Variants in TMEM181 observed in about 807,000 individuals in gnomAD.
TMEM181 encodes the protein G protein-coupled receptor 178.
Under a neutral mutation model 71.9 loss-of-function variants are expected in TMEM181, and 39 were observed. The ratio of observed to expected loss-of-function variants is 0.54; its 90% confidence interval spans 0.42 to 0.71. The LOEUF is 0.71. Among genes scored for constraint, TMEM181 ranks in the 30% least tolerant of loss-of-function variants. The probability of loss-of-function intolerance (pLI) is 0.00; values close to 1 mark genes in which losing one functional copy is unlikely to be tolerated. For missense variants in TMEM181, 595 were observed against 583.0 expected (o/e 1.02, Z -0.21); for synonymous variants, 245 against 228.8 (o/e 1.07, Z -0.64).
In TMEM181 at chr6:158,633,740, T is replaced by TG. The variant is rs1395708043; in HGVS notation, c.*1853dup. ...GTTTTAAAAACCTTGTAAATATGAATGTTTAAGACAACTTACTGCAAGGGT... is the reference window on the plus strand; with the variant it reads ...GTTTTAAAAACCTTGTAAATATGAATGGTTTAAGACAACTTACTGCAAGGGT... On this transcript the variant is annotated 3_prime_UTR_variant, in exon 17 of 17. Transcript: ENST00000684151. 1.3e-5 allele frequency: 2 copies of TG among 152,346 alleles called. No individual in the cohort carries two copies. Among genetic ancestry groups the TG allele is most frequent in the East Asian group, 3.9e-4 (2 of 5,192 alleles). The allele number at this position is 152,346 out of a possible 1,614,324, so 9.4% of individuals were successfully genotyped here. A position where few individuals can be genotyped will look rare whatever the true frequency, so the allele number is the denominator to read the frequency against.
At chr6:158,563,835 G>A (rs1782328524) in intron 1 of TMEM181, among the ~76,000 whole-genome samples, 1 of 152,152 alleles carries the variant, frequency 6.6e-6, no homozygotes. Flanking sequence ...AGGCTGGAGT[G>A]CAATGGTGCG....
intron 5 of TMEM181, among the ~76,000 whole-genome samples, chr6:158,585,918 GGGCTCAA>G (rs1783743774): frequency 1.3e-5 from 2 of 152,144 alleles, no homozygotes; most frequent in South Asian, 2.1e-4. Context: ...TCAAACTCCT[GGGCTCAA>G]GCAATTCTCC....
At chr6:158,541,448 A>G (rs924729444) in intron 1 of TMEM181, among the ~76,000 whole-genome samples, 6 of 140,112 alleles carry the variant, frequency 4.3e-5, no homozygotes, top group Admixed American at 1.4e-4. Flanking sequence ...ACAAAAAACA[A>G]AAGAATTATC....
Position 158,583,877 on chromosome 6 carries a change from T to G in TMEM181, c.169-77T>G, listed in dbSNP as rs1005792785. ...AAGCCTTTATTGCTAAAAGTAAACTTTGTGTGTTAAAACGATGAGGTATTT... is the reference window on the plus strand; with the variant it reads ...AAGCCTTTATTGCTAAAAGTAAACTGTGTGTGTTAAAACGATGAGGTATTT... On this transcript the variant is annotated intron_variant, in intron 3 of 16. Transcript: ENST00000684151. The G allele has an allele frequency of 2.6e-5, 27 of 1,042,592 alleles. No homozygotes were observed. The South Asian group carries it at 2.7e-4, about 10-fold the overall frequency. The allele number at this position is 1,042,592 out of a possible 1,614,324, so 64.6% of individuals were successfully genotyped here.
At chr6:158,572,190 A>G (rs1233274450) in intron 1 of TMEM181, among the ~76,000 whole-genome samples, 2 of 152,220 alleles carry the variant, frequency 1.3e-5, no homozygotes, top group African/African-American at 4.8e-5. Context: ...CGGGCCTGGC[A>G]GTGACTTCCT....
In TMEM181 at chr6:158,631,867, G is replaced by GGA; in HGVS notation, c.1409_1410dup (p.Glu471ArgfsTer24). On this transcript the variant is annotated frameshift_variant, in exon 17 of 17. Transcript: ENST00000684151. LOFTEE classifies it high-confidence loss of function. Reference sequence around the variant, plus strand: ...GCCAGGCCATCCGGGCCAAGTACAAGGAGGAGTCAGATAGTGACTGAGCCC... The same window carrying GGA: ...GCCAGGCCATCCGGGCCAAGTACAAGGAGAGGAGTCAGATAGTGACTGAGCCC... The GGA allele has an allele frequency of 3.1e-6, 5 of 1,595,842 alleles. No individual in the cohort carries two copies. Among genetic ancestry groups the GGA allele is most frequent in the Non-Finnish European group, 4.3e-6 (5 of 1,170,770 alleles).
At chr6:158,591,451 T>A (rs2128306306) in intron 6 of TMEM181, among the ~76,000 whole-genome samples, 1 of 152,108 alleles carries the variant, frequency 6.6e-6, no homozygotes, top group Non-Finnish European at 1.5e-5. Context: ...CCTTTCCAGA[T>A]CTTTTGGATC....
At chr6:158,563,969 G>A (rs541524007) in intron 1 of TMEM181, among the ~76,000 whole-genome samples, 33 of 152,256 alleles carry the variant, frequency 2.2e-4, no homozygotes, top group African/African-American at 7.5e-4. Context: ...GTAGGGACAC[G>A]GTTTTGCCAT....
At chr6:158,623,680 T>TTTGTGAACAATTTTG (rs1202423041) in intron 11 of TMEM181, 73 bp downstream of exon 11, 47 of 1,120,542 alleles carry the variant, frequency 4.2e-5, no homozygotes, top group Non-Finnish European at 6.1e-5. Context: ...TTTTGTGACT[T>TTTGTGAACAATTTTG]AAATTGTTCT....
chr6:158,630,710 C>T (rs975789941), intron 15 of TMEM181, among the ~76,000 whole-genome samples: 4 of 128,262 alleles, frequency 3.1e-5, no homozygotes, highest in African/African-American at 1.4e-4. Flanking sequence ...AGTGTTGTTA[C>T]CATTAAAAAA....
intron 16 of TMEM181, 124 bp from the exon 17 acceptor site, chr6:158,631,686 G>T: frequency 1.8e-6 from 2 of 1,102,970 alleles, no homozygotes; most frequent in Non-Finnish European, 2.7e-6. Flanking sequence ...AGTAGCAGTT[G>T]GTGATAGAAA....
intron 15 of TMEM181, 150 bp from the exon 16 acceptor site, chr6:158,631,173 C>T (rs1562318332): frequency 1.8e-5 from 14 of 785,308 alleles, no homozygotes; most frequent in East Asian, 7.7e-5. Flanking sequence ...AACAGCCTCA[C>T]GAGATGTGTT....
intron 1 of TMEM181, among the ~76,000 whole-genome samples, chr6:158,566,607 G>A (rs534598881): frequency 1.3e-5 from 2 of 150,042 alleles, no homozygotes; most frequent in Admixed American, 1.3e-4. Context: ...TGGGGTGGAG[G>A]GAGGTGATAC....
intron 13 of TMEM181, chr6:158,626,715 G>A (rs1003995496): frequency 8.8e-6 from 4 of 457,048 alleles, no homozygotes; most frequent in South Asian, 6.2e-5. Flanking sequence ...AGGTGTGCAC[G>A]TTGTCTCTGT....
At position 158,634,359 on chromosome 6, in the gene TMEM181, T is replaced by G. The variant is rs964471577; in HGVS notation, c.*2471T>G. ...AAAGTCTGCCAGAAACTTTTGACAG[T>G]AGCAAGAAAATTGTTGAAGAAAAAA... On this transcript the variant is annotated 3_prime_UTR_variant, in exon 17 of 17. Coordinates refer to ENST00000684151, the MANE Select transcript of TMEM181 (RefSeq NM_001376852.1). The G allele has an allele frequency of 1.3e-5, 2 of 152,198 alleles. No individual in the cohort carries two copies. Among genetic ancestry groups the G allele is most frequent in the African/African-American group, 4.8e-5 (2 of 41,454 alleles). The allele number at this position is 152,198 out of a possible 1,614,324, so 9.4% of individuals were successfully genotyped here. A position where few individuals can be genotyped will look rare whatever the true frequency, so the allele number is the denominator to read the frequency against.
rs968848381 is a variant in TMEM181 at position 158,563,971 on chromosome 6, T to C, written c.8+3739T>C. On this transcript the variant is annotated intron_variant, in intron 1 of 16. Transcript: ENST00000684151. ...TTTTGTATTTTTAGTAGGGACACGG[T>C]TTTGCCATGTTGGCCAGGCTGGTCT... 3.3e-5 allele frequency among the ~76,000 whole-genome samples: 5 copies of C among 152,124 alleles called. No homozygotes were observed. In the East Asian group the frequency reaches 9.6e-4, roughly 29 times the overall value.
At chr6:158,601,447 T>C (rs1784664920) in intron 6 of TMEM181, among the ~76,000 whole-genome samples, 1 of 151,800 alleles carries the variant, frequency 6.6e-6, no homozygotes, top group African/African-American at 2.4e-5. Context: ...CTCAGGAGGC[T>C]GAAGCAGGAG....
At chr6:158,582,440 A>G (rs542789975) in intron 3 of TMEM181, among the ~76,000 whole-genome samples, 10 of 152,286 alleles carry the variant, frequency 6.6e-5, no homozygotes, top group African/African-American at 2.2e-4. Flanking sequence ...CAGAAGTATT[A>G]AGACACAAAA....
chr6:158,548,051 C>T (rs140871747), intron 1 of TMEM181, among the ~76,000 whole-genome samples: 119 of 152,306 alleles, frequency 7.8e-4, no homozygotes, highest in African/African-American at 2.7e-3. Context: ...ACTGAACTGG[C>T]AGCCACAGGC....
Sources: gnomAD v4.1 joint callset for allele counts (sites outside exome capture counted in the v4.1 genomes callset) on GRCh38, gnomAD v4.1.1 for gene constraint, MANE v1.5 for transcripts, NCBI Gene and HGNC (gene_info 2026-07-23, HGNC 2026-07-21) for gene names.